MAGI2: variants seen among roughly 807,000 people sequenced by gnomAD.
The protein encoded by MAGI2 is membrane-associated guanylate kinase, WW and PDZ domain-containing protein 2.
Under a neutral mutation model 133.3 loss-of-function variants are expected in MAGI2, and 35 were observed. That is an observed-to-expected ratio of 0.26 (90% confidence interval 0.20 to 0.35). The LOEUF (loss-of-function observed/expected upper bound fraction) is 0.35. MAGI2 is among the 10% of genes least tolerant of loss of function. The pLI is 1.00. For synonymous variants in MAGI2, 729 were observed against 710.6 expected, an observed-to-expected ratio of 1.03 and a Z score of -0.41; for missense variants, 1,636 against 1,863.4, an observed-to-expected ratio of 0.88 and a Z score of 2.25.
At chr7:78,638,789 T>G (rs1269615075) in intron 2 of MAGI2, among the ~76,000 whole-genome samples, 1 of 152,202 alleles carries the variant, frequency 6.6e-6, no homozygotes, top group East Asian at 1.9e-4. Flanking sequence ...AATTTATTTT[T>G]GAACTTCTGA....
intron 2 of MAGI2, among the ~76,000 whole-genome samples, chr7:78,938,309 A>G (rs1584448176): frequency 6.6e-6 from 1 of 152,240 alleles, no homozygotes; most frequent in East Asian, 1.9e-4. Flanking sequence ...CATTCATGGG[A>G]AAAGATATTA....
At chr7:79,411,911 T>G (rs187449125) in intron 1 of MAGI2, 15 of 151,390 alleles carry the variant, frequency 9.9e-5, no homozygotes, top group Non-Finnish European at 1.5e-4. Flanking sequence ...TGAAATTCAA[T>G]TGAAAAATTG....
intron 5 of MAGI2, among the ~76,000 whole-genome samples, chr7:78,494,963 A>T (rs750352707): frequency 4.6e-5 from 7 of 152,304 alleles, no homozygotes; most frequent in Non-Finnish European, 1.0e-4. Flanking sequence ...ATTGCATAAA[A>T]CAATCTTCTG....
At chr7:78,681,308 T>C (rs1005787173) in intron 2 of MAGI2, among the ~76,000 whole-genome samples, 3 of 152,176 alleles carry the variant, frequency 2.0e-5, no homozygotes, top group Non-Finnish European at 2.9e-5. Context: ...AATACTTTTC[T>C]TTGGTATATT....
intron 6 of MAGI2, among the ~76,000 whole-genome samples, chr7:78,431,898 A>G (rs952677874): frequency 1.1e-4 from 17 of 152,084 alleles, no homozygotes; most frequent in African/African-American, 3.6e-4. Flanking sequence ...TCCATGAAAT[A>G]GAGTTTTGGC....
At chr7:78,761,786 G>A (rs1824537835) in intron 2 of MAGI2, among the ~76,000 whole-genome samples, 2 of 151,968 alleles carry the variant, frequency 1.3e-5, no homozygotes, top group South Asian at 4.1e-4. Context: ...GGTAGGTTGA[G>A]GCCCGAAATT....
intron 20 of MAGI2, among the ~76,000 whole-genome samples, chr7:78,091,077 T>TGTGTGTGA (rs1491118136): frequency 2.0e-5 from 3 of 147,902 alleles, no homozygotes; most frequent in Non-Finnish European, 3.0e-5. Context: ...TGTGTGTGTG[T>TGTGTGTGA]GATAAGAGAG....
chr7:78,073,991 T>C (rs975305216), intron 21 of MAGI2, among the ~76,000 whole-genome samples: 3 of 151,968 alleles, frequency 2.0e-5, no homozygotes, highest in African/African-American at 7.3e-5. Flanking sequence ...TGGAGTGGAG[T>C]TGAAGTATCT....
chr7:78,232,512 C>A (rs937146126), intron 10 of MAGI2, among the ~76,000 whole-genome samples: 19 of 152,166 alleles, frequency 1.2e-4, no homozygotes, highest in African/African-American at 4.6e-4. Flanking sequence ...ATTCGGTGAT[C>A]ATTTGGTGTG....
intron 6 of MAGI2, among the ~76,000 whole-genome samples, chr7:78,482,864 T>A (rs1294647433): frequency 7.0e-6 from 1 of 141,916 alleles, no homozygotes; most frequent in Non-Finnish European, 1.5e-5. Context: ...ACATGTGATA[T>A]CATCACATGG....
intron 2 of MAGI2, among the ~76,000 whole-genome samples, chr7:78,972,638 A>G (rs945181070): frequency 7.9e-5 from 12 of 151,836 alleles, no homozygotes; most frequent in African/African-American, 2.4e-4. Flanking sequence ...TAGATTAAAT[A>G]GGCATTATAT....
intron 7 of MAGI2, among the ~76,000 whole-genome samples, chr7:78,362,071 G>A (rs1008578559): frequency 6.6e-5 from 10 of 152,132 alleles, no homozygotes; most frequent in African/African-American, 2.2e-4. Flanking sequence ...GGAGGCTGAG[G>A]CGGGTGGATC....
intron 1 of MAGI2, among the ~76,000 whole-genome samples, chr7:79,120,530 T>A (rs1046752611): frequency 6.6e-6 from 1 of 152,062 alleles, no homozygotes; most frequent in Non-Finnish European, 1.5e-5. Context: ...ACTACAAATA[T>A]GTGGTCTGAT....
chr7:79,357,587 T>C (rs1254373546), intron 1 of MAGI2, among the ~76,000 whole-genome samples: 2 of 152,148 alleles, frequency 1.3e-5, no homozygotes, highest in African/African-American at 4.8e-5. Context: ...GCTAAGGAAG[T>C]TAAATGCGGA....
At chr7:78,225,290 T>C (rs770839658) in intron 10 of MAGI2, among the ~76,000 whole-genome samples, 13 of 152,194 alleles carry the variant, frequency 8.5e-5, no homozygotes, top group Non-Finnish European at 1.9e-4. Flanking sequence ...TTATCGTCAG[T>C]AGAGCCAACC....
In MAGI2 at chr7:78,892,773, A is replaced by T. The variant is rs1796875422; in HGVS notation, c.418+114317T>A. Among the ~76,000 whole-genome samples the T allele has an allele frequency of 1.1e-4, 17 of 152,280 alleles. No individual in the cohort carries two copies. The South Asian group carries it at 3.3e-3, about 30-fold the overall frequency. On this transcript the variant is annotated intron_variant, in intron 2 of 21. Coordinates refer to ENST00000354212, the MANE Select transcript of MAGI2 (RefSeq NM_012301.4). Reference sequence around the variant, plus strand: ...AAATGTTAGACCCAAAACCATAAAAACCCTAGAAGAAAACCTAGGCATTAC... The same window carrying T: ...AAATGTTAGACCCAAAACCATAAAATCCCTAGAAGAAAACCTAGGCATTAC...
chr7:79,106,195 A>C (rs1818435531), intron 1 of MAGI2, among the ~76,000 whole-genome samples: 1 of 152,202 alleles, frequency 6.6e-6, no homozygotes, highest in South Asian at 2.1e-4. Flanking sequence ...GAAAGAAGCC[A>C]GACTCAAAAG....
chr7:79,131,908 G>T (rs769174391), intron 1 of MAGI2, among the ~76,000 whole-genome samples: 16 of 151,968 alleles, frequency 1.1e-4, no homozygotes, highest in Non-Finnish European at 2.2e-4. Flanking sequence ...GGTCTCTAGT[G>T]CTCTCTTAAA....
intron 2 of MAGI2, among the ~76,000 whole-genome samples, chr7:78,955,721 TTCTCTTTCTTTC>T (rs1401923287): frequency 1.0e-5 from 1 of 100,142 alleles, no homozygotes; most frequent in African/African-American, 4.1e-5. Context: ...TTTTCTTTCT[TTCTCTTTCTTTC>T]TTTCTTTCTT....
Sources: gnomAD v4.1 joint callset for allele counts (sites outside exome capture counted in the v4.1 genomes callset) on GRCh38, gnomAD v4.1.1 for gene constraint, MANE v1.5 for transcripts, NCBI Gene and HGNC (gene_info 2026-07-23, HGNC 2026-07-21) for gene names.